The following TREML4 variants were observed in gnomAD, a reference collection of about 807,000 sequenced individuals.
The protein encoded by TREML4 is trem-like transcript 4 protein.
In TREML4, 25 loss-of-function variants were observed where a neutral mutation model predicts 25.4. That is an observed-to-expected ratio of 0.98 (90% CI 0.72 to 1.37). TREML4 has a LOEUF of 1.37. TREML4 is among the 40% of genes most tolerant of loss of function. The probability of loss-of-function intolerance (pLI) is 0.00; values close to 1 mark genes in which losing one functional copy is unlikely to be tolerated. For synonymous variants in TREML4, 92 were observed against 87.9 expected, an observed-to-expected ratio of 1.05 and a Z score of -0.26; for missense variants, 268 against 236.5, an observed-to-expected ratio of 1.13 and a Z score of -0.87.
At chr6:41,229,362 A>G (rs1006510019) in intron 2 of TREML4, among the ~76,000 whole-genome samples, 159 bp from the exon 3 acceptor site, 1 of 151,940 alleles carries the variant, frequency 6.6e-6, no homozygotes, top group Non-Finnish European at 1.5e-5. Context: ...ACACACACAC[A>G]CCAACAACTC....
intron 4 of TREML4, among the ~76,000 whole-genome samples, chr6:41,234,694 T>C (rs1197983966): frequency 6.6e-6 from 1 of 151,808 alleles, no homozygotes; most frequent in Non-Finnish European, 1.5e-5. Flanking sequence ...CAGATTTCAA[T>C]AGATTAATAA....
chr6:41,228,690 C>G (rs1766725017), intron 1 of TREML4, 24 bp from the exon 2 acceptor site: 1 of 1,599,302 alleles, frequency 6.3e-7, no homozygotes, highest in Admixed American at 1.7e-5. Context: ...ACCTGGGTTT[C>G]TTTCTGCCGG....
Position 41,230,098 on chromosome 6 carries a change from C to T in TREML4, c.482C>T (p.Pro161Leu). The T allele has an allele frequency of 2.5e-6, 4 of 1,611,978 alleles. No individual in the cohort carries two copies. Among genetic ancestry groups the T allele is most frequent in the Non-Finnish European group, 3.4e-6 (4 of 1,178,074 alleles). ...TCTCCAGAGGGGACCTCTGGCCATCCCTCCATCAATGGCTCTGAGACCAGG... is the reference window on the plus strand; with the variant it reads ...TCTCCAGAGGGGACCTCTGGCCATCTCTCCATCAATGGCTCTGAGACCAGG... ...ITSPEGTSGH[P>L]SINGSETRKS... Residue 161 changes from proline (P) to leucine (L), a missense_variant, in exon 4 of 6, where the codon CCC becomes CTC. Physicochemically the swap from Pro to Leu is moderately conservative, Grantham distance 98 (BLOSUM62 -3). Coordinates refer to ENST00000341495, the MANE Select transcript of TREML4 (RefSeq NM_198153.3).
intron 1 of TREML4, 51 bp from the exon 2 acceptor site, chr6:41,228,663 G>C: frequency 6.4e-7 from 1 of 1,565,068 alleles, no homozygotes. Context: ...GGGAGGTTGG[G>C]TCCCTTCAGA....
Position 41,228,592 on chromosome 6 carries a change from G to A in TREML4, c.63+102G>A, listed in dbSNP as rs1009517137. 2.7e-6 allele frequency: 4 copies of A among 1,493,112 alleles called. No homozygotes were observed. The African/African-American group carries it at 5.6e-5, about 21-fold the overall frequency. The allele number at this position is 1,493,112 out of a possible 1,614,324, so 92.5% of individuals were successfully genotyped here. The stretch of plus-strand genomic sequence containing the variant: ...TGTGACCATAGGACAGAATTTAGGG[G>A]CCCTCTTCCATGTGTGGGCATCAGA... On this transcript the variant is annotated intron_variant, in intron 1 of 5. Coordinates refer to ENST00000341495, the MANE Select transcript of TREML4 (RefSeq NM_198153.3).
chr6:41,232,761 C>G (rs1766826731), intron 4 of TREML4, among the ~76,000 whole-genome samples: 1 of 152,120 alleles, frequency 6.6e-6, no homozygotes, highest in Non-Finnish European at 1.5e-5. Flanking sequence ...ATGCCCCATT[C>G]ATAATAGGGT....
intron 4 of TREML4, among the ~76,000 whole-genome samples, chr6:41,234,312 G>A (rs1051313472): frequency 6.6e-6 from 1 of 151,968 alleles, no homozygotes. Context: ...ATATTAGGGA[G>A]TAATTAGTAC....
chr6:41,233,840 A>G (rs948910255), intron 4 of TREML4, among the ~76,000 whole-genome samples: 1 of 151,208 alleles, frequency 6.6e-6, no homozygotes, highest in Non-Finnish European at 1.5e-5. Flanking sequence ...TTTTAAATAT[A>G]TAATATTTTC....
At position 41,228,515 on chromosome 6, in the gene TREML4, G is replaced by C. The variant is rs766967544; in HGVS notation, c.63+25G>C. 15 of 1,606,724 alleles carry C rather than the reference G, an allele frequency of 9.3e-6. No homozygotes were observed. In the East Asian group the frequency reaches 3.1e-4, roughly 34 times the overall value. On this transcript the variant is annotated intron_variant, in intron 1 of 5. Transcript: ENST00000341495. ...GGTGACATGGAGGGAAAGAGTGCAG[G>C]GGGTGTAAGGAGTGGGATGAAGAAT... is the stretch of plus-strand genomic sequence containing the variant.
At position 41,237,732 on chromosome 6, in the gene TREML4, G is replaced by A. The variant is rs879606925; in HGVS notation, c.*713G>A. 3.9e-5 allele frequency: 6 copies of A among 152,154 alleles called. No individual in the cohort carries two copies. Among genetic ancestry groups the A allele is most frequent in the African/African-American group, 7.2e-5 (3 of 41,436 alleles). The allele number at this position is 152,154 out of a possible 1,614,324, so 9.4% of individuals were successfully genotyped here. A position where few individuals can be genotyped will look rare whatever the true frequency, so the allele number is the denominator to read the frequency against. Reference sequence around the variant, plus strand: ...AGAAGTAAAAGAAAAAATTAGATGCGTTAAAATGACATGAGCAGGCGACTC... The same window carrying A: ...AGAAGTAAAAGAAAAAATTAGATGCATTAAAATGACATGAGCAGGCGACTC... On this transcript the variant is annotated 3_prime_UTR_variant, in exon 6 of 6. Transcript: ENST00000341495.
chr6:41,228,928 A>G lies in TREML4; in HGVS notation c.278A>G (p.Asn93Ser). Residue 93 changes from asparagine (N) to serine (S), a missense_variant, in exon 2 of 6, where the codon AAC becomes AGC. By Grantham distance (46) the Asn-to-Ser change is conservative. Coordinates refer to ENST00000341495, the MANE Select transcript of TREML4 (RefSeq NM_198153.3). The part of the protein sequence containing the change: ...IWDKPNAGFF[N>S]ITMIQLTQND... The stretch of plus-strand genomic sequence containing the variant: ...GACAAGCCCAATGCTGGCTTCTTCA[A>G]CATCACCATGATTCAGCTGACACAG... 1.9e-6 allele frequency: 3 copies of G among 1,614,200 alleles called. No homozygotes were observed. In the South Asian group the frequency reaches 3.3e-5, roughly 18 times the overall value.
chr6:41,237,324 G>A lies in TREML4; in HGVS notation c.*305G>A, dbSNP rs746831515. ...ATCTACTGCCCCTGCCCTGACTTTC[G>A]CCATTGGGAAGACCTGGGGTGGGGG... On this transcript the variant is annotated 3_prime_UTR_variant, in exon 6 of 6. Coordinates refer to ENST00000341495, the MANE Select transcript of TREML4 (RefSeq NM_198153.3). 3.1e-5 allele frequency: 5 copies of A among 159,504 alleles called. No homozygotes were observed. The highest frequency in any genetic ancestry group is 5.5e-5 in the Non-Finnish European group (4 of 72,724). 9.9% of individuals were successfully genotyped at this position (159,504 alleles called of 1,614,324 possible).
chr6:41,233,564 A>G (rs1057296862), intron 4 of TREML4, among the ~76,000 whole-genome samples: 28 of 152,090 alleles, frequency 1.8e-4, no homozygotes, highest in African/African-American at 6.8e-4. Flanking sequence ...TAGACCCATC[A>G]TAAACGTATA....
chr6:41,233,810 A>G (rs530040366), intron 4 of TREML4, among the ~76,000 whole-genome samples: 1 of 151,448 alleles, frequency 6.6e-6, no homozygotes, highest in East Asian at 1.9e-4. Context: ...ATAATAATAT[A>G]GGATACATAT....
At chr6:41,231,046 A>C (rs1766785927) in intron 4 of TREML4, 1 of 398,660 alleles carries the variant, frequency 2.5e-6, no homozygotes, top group Non-Finnish European at 5.1e-6. Flanking sequence ...TGAATGGCTA[A>C]TGATCTGTCA....
Position 41,236,585 on chromosome 6 carries a change from C to G in TREML4, c.*3C>G. The G allele has an allele frequency of 6.2e-7, 1 of 1,612,230 alleles. No individual in the cohort carries two copies. Among genetic ancestry groups the G allele is most frequent in the Non-Finnish European group, 8.5e-7 (1 of 1,178,406 alleles). ...TGGCCAAGGGCCTGATGTTGTGAGTCCTGTTAGTGCTCCTGATCTGCAGGT... is the reference window on the plus strand; with the variant it reads ...TGGCCAAGGGCCTGATGTTGTGAGTGCTGTTAGTGCTCCTGATCTGCAGGT... On this transcript the variant is annotated 3_prime_UTR_variant, in exon 5 of 6. Transcript: ENST00000341495.
At position 41,230,092 on chromosome 6, in the gene TREML4, G is replaced by C. The variant is rs752512465; in HGVS notation, c.476G>C (p.Gly159Ala). Residue 159 changes from glycine (G) to alanine (A), a missense_variant, in exon 4 of 6, where the codon GGC (glycine) becomes GCC (alanine). Coordinates refer to ENST00000341495, the MANE Select transcript of TREML4 (RefSeq NM_198153.3). ...VLITSPEGTS[G>A]HPSINGSETR... The stretch of plus-strand genomic sequence containing the variant: ...ATCACTTCTCCAGAGGGGACCTCTG[G>C]CCATCCCTCCATCAATGGCTCTGAG... 6.2e-7 allele frequency: 1 copy of C among 1,611,906 alleles called. No homozygotes were observed. The highest frequency in any genetic ancestry group is 2.2e-5 in the East Asian group (1 of 44,842).
chr6:41,230,071 C>T lies in TREML4; in HGVS notation c.455C>T (p.Thr152Ile), dbSNP rs1207303763. ...PWLPTSTVLI[T>I]SPEGTSGHPS... ...TTTGTGTCCTCTTTAGTTCTGATCA[C>T]TTCTCCAGAGGGGACCTCTGGCCAT... Residue 152 changes from threonine to isoleucine, a missense_variant, in exon 4 of 6, where the codon ACT becomes ATT. By Grantham distance (89) the Thr-to-Ile change is moderately conservative (BLOSUM62 -1). Coordinates refer to ENST00000341495, the MANE Select transcript of TREML4 (RefSeq NM_198153.3). The T allele has an allele frequency of 1.2e-6, 2 of 1,611,388 alleles. No homozygotes were observed. The highest frequency in any genetic ancestry group is 1.7e-6 in the Non-Finnish European group (2 of 1,177,498).
At chr6:41,228,652 G>C in intron 1 of TREML4, 62 bp from the exon 2 acceptor site, 1 of 1,544,364 alleles carries the variant, frequency 6.5e-7, no homozygotes, top group Non-Finnish European at 8.8e-7. Flanking sequence ...GCCTGTGATG[G>C]GGGAGGTTGG....
Sources: gnomAD v4.1 joint callset for allele counts (sites outside exome capture counted in the v4.1 genomes callset) on GRCh38, gnomAD v4.1.1 for gene constraint, MANE v1.5 for transcripts, NCBI Gene and HGNC (gene_info 2026-07-23, HGNC 2026-07-21) for gene names.